YEATS4: variants seen among roughly 807,000 people sequenced by gnomAD.
YEATS4 encodes the protein YEATS domain-containing protein 4.
A neutral mutation model predicts 30.1 loss-of-function variants in YEATS4; 17 were observed. That is an observed-to-expected ratio of 0.56 (90% CI 0.39 to 0.85). The LOEUF (loss-of-function observed/expected upper bound fraction) is 0.85, where lower values mean the gene tolerates loss of function less well. Among genes scored for constraint, YEATS4 ranks in the 40% least tolerant of loss-of-function variants. The pLI, the probability that YEATS4 is intolerant of heterozygous loss-of-function variation, is 0.00. For missense variants in YEATS4, 142 were observed against 268.3 expected, an observed-to-expected ratio of 0.53 and a Z score of 3.29; for synonymous variants, 85 against 87.5, an observed-to-expected ratio of 0.97 and a Z score of 0.16.
chr12:69,366,942 A>G (rs1435434407), intron 4 of YEATS4, among the ~76,000 whole-genome samples: 1 of 152,122 alleles, frequency 6.6e-6, no homozygotes, highest in Non-Finnish European at 1.5e-5. Context: ...CACCTTTTGG[A>G]GAGTCTGATT....
intron 6 of YEATS4, among the ~76,000 whole-genome samples, chr12:69,385,308 T>C (rs1473704445): frequency 6.6e-6 from 1 of 152,150 alleles, no homozygotes; most frequent in African/African-American, 2.4e-5. Context: ...AACTTTGCAC[T>C]CTCATGAATT....
the YEATS4 span, among the ~76,000 whole-genome samples, chr12:69,407,904 C>T: frequency 6.6e-6 from 1 of 151,868 alleles, no homozygotes; most frequent in Non-Finnish European, 1.5e-5. Context: ...TTAGTAGAGA[C>T]AGGGTTTCTC....
the YEATS4 span, among the ~76,000 whole-genome samples, chr12:69,416,423 C>A: frequency 1.3e-5 from 2 of 152,188 alleles, no homozygotes; most frequent in Non-Finnish European, 1.5e-5. Flanking sequence ...GCAAAACAAT[C>A]GGCCCCAAGG....
the YEATS4 span, among the ~76,000 whole-genome samples, chr12:69,407,702 CTTTTTTTTTTTTTTTTTTT>C: frequency 1.6e-5 from 1 of 62,638 alleles, no homozygotes; most frequent in African/African-American, 7.1e-5. Flanking sequence ...TACTTTTTGT[CTTTTTTTTTTTTTTTTTTT>C]TTTTTTTTTT....
intron 6 of YEATS4, among the ~76,000 whole-genome samples, chr12:69,381,053 T>C (rs1876055508): frequency 6.6e-6 from 1 of 152,154 alleles, no homozygotes. Flanking sequence ...ATTGATAACA[T>C]CTTATCAGGA....
intron 2 of YEATS4, among the ~76,000 whole-genome samples, chr12:69,363,395 T>G (rs1485303180): frequency 6.6e-6 from 1 of 152,234 alleles, no homozygotes. Context: ...GTCATCTTCA[T>G]ATGATACTAG....
At chr12:69,406,679 A>G in the YEATS4 span, among the ~76,000 whole-genome samples, 1 of 152,092 alleles carries the variant, frequency 6.6e-6, no homozygotes, top group Non-Finnish European at 1.5e-5. Context: ...TTTTCACTTA[A>G]TATTATATGT....
chr12:69,409,715 T>C, the YEATS4 span, among the ~76,000 whole-genome samples: 1 of 152,190 alleles, frequency 6.6e-6, no homozygotes, highest in Non-Finnish European at 1.5e-5. Flanking sequence ...AAAATACATA[T>C]GTTGAAGTCC....
chr12:69,416,343 C>A, the YEATS4 span, among the ~76,000 whole-genome samples: 1 of 152,194 alleles, frequency 6.6e-6, no homozygotes, highest in East Asian at 1.9e-4. Flanking sequence ...AAAAGAAATT[C>A]TCCCAAATTC....
chr12:69,401,626 G>T, the YEATS4 span, among the ~76,000 whole-genome samples: 1 of 152,210 alleles, frequency 6.6e-6, no homozygotes, highest in Admixed American at 6.5e-5. Context: ...GGTCTAGATT[G>T]TGAGTTCATG....
intron 4 of YEATS4, among the ~76,000 whole-genome samples, chr12:69,368,115 A>G (rs1875506038): frequency 6.6e-6 from 1 of 152,216 alleles, no homozygotes; most frequent in Non-Finnish European, 1.5e-5. Context: ...AAAAAATATT[A>G]TAGGGTTTTT....
chr12:69,375,271 C>T (rs1249993130), intron 6 of YEATS4, among the ~76,000 whole-genome samples: 2 of 149,492 alleles, frequency 1.3e-5, no homozygotes, highest in Admixed American at 6.6e-5. Flanking sequence ...GATGGGGTCG[C>T]GGCCGGGCAG....
chr12:69,385,601 T>C (rs993453273), intron 6 of YEATS4, among the ~76,000 whole-genome samples: 1 of 152,140 alleles, frequency 6.6e-6, no homozygotes, highest in Admixed American at 6.5e-5. Flanking sequence ...AGCTAGTTAG[T>C]AGTAGAATCA....
the YEATS4 span, among the ~76,000 whole-genome samples, chr12:69,410,342 C>T: frequency 6.6e-6 from 1 of 152,198 alleles, no homozygotes; most frequent in Non-Finnish European, 1.5e-5. Context: ...AAATCATCTC[C>T]ACTGAATAGG....
intron 6 of YEATS4, among the ~76,000 whole-genome samples, chr12:69,389,044 C>T (rs914451383): frequency 1.3e-5 from 2 of 152,194 alleles, no homozygotes; most frequent in Non-Finnish European, 2.9e-5. Context: ...GGTGAAATAG[C>T]TTACAGTGTC....
chr12:69,395,217 AAAT>A (rs1208479665), downstream of YEATS4, among the ~76,000 whole-genome samples: 2 of 151,848 alleles, frequency 1.3e-5, no homozygotes, highest in African/African-American at 4.8e-5. Flanking sequence ...AAAAGGAAAA[AAAT>A]AAGAAAAAAT....
chr12:69,392,308 T>G (rs1182489959), downstream of YEATS4, among the ~76,000 whole-genome samples: 3 of 152,238 alleles, frequency 2.0e-5, no homozygotes, highest in Non-Finnish European at 4.4e-5. Context: ...GTTCAGCCAC[T>G]TTGGAAAACA....
the YEATS4 span, among the ~76,000 whole-genome samples, chr12:69,411,121 GT>G: frequency 6.6e-6 from 1 of 152,118 alleles, no homozygotes; most frequent in African/African-American, 2.4e-5. Context: ...ACCAAGTACT[GT>G]TTTTTGTTGT....
the YEATS4 span, among the ~76,000 whole-genome samples, chr12:69,409,290 A>G: frequency 1.3e-5 from 2 of 152,146 alleles, no homozygotes; most frequent in Non-Finnish European, 2.9e-5. Context: ...AGTATTTAGC[A>G]TAGGACTTAG....
Sources: allele counts gnomAD v4.1 joint callset (sites outside exome capture counted in the v4.1 genomes callset), GRCh38; gene constraint gnomAD v4.1.1; transcripts MANE v1.5; gene names NCBI Gene and HGNC (gene_info 2026-07-23, HGNC 2026-07-21).